The following RPTOR variants were observed in gnomAD, a reference collection of about 807,000 sequenced individuals.
RPTOR encodes the protein regulatory-associated protein of mTOR.
A neutral mutation model predicts 169.9 loss-of-function variants in RPTOR; 21 were observed. The ratio of observed to expected loss-of-function variants is 0.12; its 90% confidence interval spans 0.09 to 0.18. The LOEUF is 0.18. RPTOR is among the 10% of genes least tolerant of loss of function. RPTOR has a pLI of 1.00. For missense variants in RPTOR, 1,133 were observed against 1,855.9 expected (o/e 0.61, Z 7.16); for synonymous variants, 732 against 753.2 (o/e 0.97, Z 0.46).
rs3042650 is a variant in RPTOR, at chr17:80,893,395, GGTGT to G, written c.2243-299_2243-296del. Among the ~76,000 whole-genome samples the G allele has an allele frequency of 1.0e-3, 143 of 139,162 alleles. 1 individual carries two copies. Among genetic ancestry groups the G allele is most frequent in the South Asian group, 1.2e-3 (5 of 4,230 alleles). The allele number at this position is 139,162 out of a possible 152,430, so 91.3% of individuals were successfully genotyped here. ...GTGCACAAGGGTGTGTGCATGCCAG[GGTGT>G]GTGTGTGTGTGTACAAGGGTGTGTG... On this transcript the variant is annotated intron_variant, in intron 19 of 33. Coordinates refer to ENST00000306801, the MANE Select transcript of RPTOR (RefSeq NM_020761.3).
intron 4 of RPTOR, among the ~76,000 whole-genome samples, chr17:80,722,942 T>C (rs2066299429): frequency 1.3e-5 from 2 of 151,400 alleles, no homozygotes; most frequent in Admixed American, 1.3e-4. Context: ...CTGGGATGGT[T>C]CCTCAGCTGT....
intron 6 of RPTOR, among the ~76,000 whole-genome samples, chr17:80,766,888 G>C (rs1015093708): frequency 5.3e-5 from 8 of 152,046 alleles, no homozygotes; most frequent in African/African-American, 1.9e-4. Flanking sequence ...AAATAATAAA[G>C]AGAAGAGCAA....
rs559216888 is a variant in RPTOR, at chr17:80,633,601, A to C, written c.265+7808A>C. ...ACCAGGTGATGCGGGGCTGTGATCT[A>C]TCCATTACTGGTCATGCAGATCTTC... On this transcript the variant is annotated intron_variant, in intron 2 of 33. Coordinates refer to ENST00000306801, the MANE Select transcript of RPTOR (RefSeq NM_020761.3). This position sits in a 1 kb window ranked among gnomAD's most constrained non-coding sequence, Gnocchi z 4.1. Among the ~76,000 whole-genome samples the C allele has an allele frequency of 6.6e-6, 1 of 152,212 alleles. No homozygotes were observed. The highest frequency in any genetic ancestry group is 6.5e-5 in the Admixed American group (1 of 15,288).
intron 3 of RPTOR, among the ~76,000 whole-genome samples, chr17:80,664,060 T>C (rs1733088050): frequency 6.6e-6 from 1 of 152,058 alleles, no homozygotes; most frequent in Non-Finnish European, 1.5e-5. Flanking sequence ...TGGAGCAAAA[T>C]GCAGGCCTCC....
Position 80,659,430 on chromosome 17 carries a change from C to T in RPTOR, c.348+15620C>T, listed in dbSNP as rs562212911. ...CACCGCAGCCTCGACCTCCTGGGCT[C>T]AAGTGATCCTCCCACCTCAGCCTCC... On this transcript the variant is annotated intron_variant, in intron 3 of 33. Coordinates refer to ENST00000306801, the MANE Select transcript of RPTOR (RefSeq NM_020761.3). The surrounding 1 kb of genome is among the most constrained non-coding windows in gnomAD (Gnocchi z 4.3). 6.6e-6 allele frequency among the ~76,000 whole-genome samples: 1 copy of T among 152,280 alleles called. No individual in the cohort carries two copies. The highest frequency in any genetic ancestry group is 2.4e-5 in the African/African-American group (1 of 41,560).
At chr17:80,700,995 G>A (rs916668989) in intron 3 of RPTOR, among the ~76,000 whole-genome samples, 4 of 152,122 alleles carry the variant, frequency 2.6e-5, no homozygotes, top group African/African-American at 9.7e-5. Flanking sequence ...AAGGGTGAAA[G>A]ACAAGAAGGT....
rs1020179267 is a variant in RPTOR, at chr17:80,609,193, C to G, written c.163-16498C>G. 2.0e-5 allele frequency among the ~76,000 whole-genome samples: 3 copies of G among 152,126 alleles called. No homozygotes were observed. The highest frequency in any genetic ancestry group is 4.8e-5 in the African/African-American group (2 of 41,422). ...AGCACATGCGGCGTGCAGACCTTTC[C>G]TTAGGTTTGTGCTGGGTGCTCTGCT... On this transcript the variant is annotated intron_variant, in intron 1 of 33. Transcript: ENST00000306801. This position sits in a 1 kb window ranked among gnomAD's most constrained non-coding sequence, Gnocchi z 4.8.
chr17:80,620,734 T>C (rs11658093), intron 1 of RPTOR, among the ~76,000 whole-genome samples: 48,886 of 152,180 alleles, frequency 0.32, 8,100 homozygotes, highest in African/African-American at 0.39. Flanking sequence ...CCACTGCACG[T>C]GATCGTGGTC....
At chr17:80,906,375 G>A (rs780360996) in intron 20 of RPTOR, among the ~76,000 whole-genome samples, 4 of 152,168 alleles carry the variant, frequency 2.6e-5, no homozygotes, top group Admixed American at 6.5e-5. Context: ...CACGGCTATC[G>A]CAGAGCTGTG....
intron 14 of RPTOR, among the ~76,000 whole-genome samples, chr17:80,881,544 T>C (rs1417299611): frequency 3.3e-5 from 5 of 152,344 alleles, no homozygotes; most frequent in African/African-American, 1.2e-4. Context: ...GGAGGCTGGG[T>C]ATGGTGGCTC....
chr17:80,745,890 G>A (rs12601596), intron 5 of RPTOR, among the ~76,000 whole-genome samples: 41,516 of 152,132 alleles, frequency 0.27, 6,861 homozygotes, highest in East Asian at 0.52. Context: ...GGCCGGGCGC[G>A]GTGGCTCACG....
chr17:80,725,765 A>G (rs7359591), intron 4 of RPTOR, among the ~76,000 whole-genome samples: 189 of 152,310 alleles, frequency 1.2e-3, no homozygotes, highest in African/African-American at 4.4e-3. Context: ...AGGATTCGCT[A>G]TCAAAGGTCA....
intron 10 of RPTOR, 42 bp from the exon 11 acceptor site, chr17:80,846,431 G>C: frequency 1.9e-6 from 3 of 1,579,358 alleles, no homozygotes; most frequent in South Asian, 2.2e-5. Context: ...AGGCCATCTG[G>C]GAACATGGCC....
intron 13 of RPTOR, among the ~76,000 whole-genome samples, chr17:80,877,447 A>G (rs2068133663): frequency 1.3e-5 from 2 of 152,350 alleles, no homozygotes; most frequent in East Asian, 1.9e-4. Context: ...TATACACCAC[A>G]TAGTTGCCAG....
At chr17:80,701,507 G>A (rs958623440) in intron 3 of RPTOR, among the ~76,000 whole-genome samples, 3 of 152,276 alleles carry the variant, frequency 2.0e-5, no homozygotes, top group East Asian at 3.9e-4. Flanking sequence ...CCGCCTAAAG[G>A]TCCCTCCTAC....
chr17:80,684,342 T>A (rs1598218804), intron 3 of RPTOR, among the ~76,000 whole-genome samples: 2 of 152,180 alleles, frequency 1.3e-5, no homozygotes, highest in South Asian at 4.1e-4. Flanking sequence ...CCAGGCTGCC[T>A]TGTGTTTCAT....
At chr17:80,951,843 A>C (rs575426130) in intron 28 of RPTOR, among the ~76,000 whole-genome samples, 2 of 152,122 alleles carry the variant, frequency 1.3e-5, no homozygotes, top group South Asian at 4.2e-4. Context: ...TCACTGTCCT[A>C]CCCGGGTACG....
chr17:80,710,571 ATGTGTGTG>A (rs59732457), intron 4 of RPTOR, among the ~76,000 whole-genome samples: 49,635 of 144,956 alleles, frequency 0.34, 9,561 homozygotes, highest in East Asian at 0.53. Flanking sequence ...GGTTATTTGT[ATGTGTGTG>A]TGTGTGTGTG....
At chr17:80,771,375 T>G (rs1046966224) in intron 6 of RPTOR, among the ~76,000 whole-genome samples, 8 of 152,180 alleles carry the variant, frequency 5.3e-5, no homozygotes, top group African/African-American at 1.7e-4. Context: ...AAACCTCTCA[T>G]GCCTGAAACA....
Sources: gnomAD v4.1 joint callset for allele counts (sites outside exome capture counted in the v4.1 genomes callset) on GRCh38, gnomAD v4.1.1 for gene constraint, Gnocchi (gnomAD v3.1) non-coding constraint, MANE v1.5 for transcripts, NCBI Gene and HGNC (gene_info 2026-07-23, HGNC 2026-07-21) for gene names.